Variants in LHFPL3 observed in about 807,000 individuals in gnomAD.
LHFPL3 encodes LHFPL tetraspan subfamily member 3, also known as LHFPL tetraspan subfamily member 3 protein.
In LHFPL3, 5 loss-of-function variants were observed where a neutral mutation model predicts 19.3. That is an observed-to-expected ratio of 0.26 (90% CI 0.14 to 0.54). The LOEUF is 0.54. Ranked by LOEUF, LHFPL3 falls within the 20% of genes least tolerant of loss-of-function variation. LHFPL3 has a pLI of 0.94. For synonymous variants in LHFPL3, 133 were observed against 126.2 expected (o/e 1.05, Z -0.36); for missense variants, 249 against 307.4 (o/e 0.81, Z 1.42).
At chr7:104,810,143 T>TCCTA (rs1236540794) in intron 2 of LHFPL3, among the ~76,000 whole-genome samples, 1 of 152,170 alleles carries the variant, frequency 6.6e-6, no homozygotes, top group Non-Finnish European at 1.5e-5. Flanking sequence ...GCACAGTGCT[T>TCCTA]CCTAACACCT....
chr7:104,430,176 T>C (rs981063743), intron 1 of LHFPL3, among the ~76,000 whole-genome samples: 2 of 151,290 alleles, frequency 1.3e-5, no homozygotes, highest in African/African-American at 4.9e-5. Context: ...TTGTCCTGTC[T>C]ACTTTCAAGT....
At chr7:104,333,289 A>T (rs1801605028) in intron 1 of LHFPL3, among the ~76,000 whole-genome samples, 1 of 152,220 alleles carries the variant, frequency 6.6e-6, no homozygotes, top group Non-Finnish European at 1.5e-5. Context: ...TATAAGCTGA[A>T]GTATTCAGTG....
chr7:104,538,029 G>GA (rs533627467), intron 1 of LHFPL3, among the ~76,000 whole-genome samples: 1 of 151,824 alleles, frequency 6.6e-6, no homozygotes, highest in African/African-American at 2.4e-5. Context: ...AGCCATGCTA[G>GA]AAAAAAAACT....
chr7:104,834,440 C>T (rs1791052588), intron 2 of LHFPL3, among the ~76,000 whole-genome samples: 1 of 152,002 alleles, frequency 6.6e-6, no homozygotes. Context: ...CTTAGCTGCC[C>T]TCATACATCA....
chr7:104,606,190 G>A (rs1269887417), intron 1 of LHFPL3, among the ~76,000 whole-genome samples: 1 of 152,100 alleles, frequency 6.6e-6, no homozygotes, highest in Non-Finnish European at 1.5e-5. Context: ...GCAGAACTTG[G>A]GAGCTGATGA....
intron 1 of LHFPL3, among the ~76,000 whole-genome samples, chr7:104,447,584 G>T (rs978002462): frequency 6.6e-6 from 1 of 151,966 alleles, no homozygotes; most frequent in Non-Finnish European, 1.5e-5. Context: ...GTATTGTATT[G>T]TTTTTTGTTT....
intron 1 of LHFPL3, among the ~76,000 whole-genome samples, chr7:104,503,555 T>G (rs1793641518): frequency 6.6e-6 from 1 of 152,100 alleles, no homozygotes; most frequent in South Asian, 2.1e-4. Flanking sequence ...TTAAGAGTTT[T>G]TTATTTTAAT....
intron 1 of LHFPL3, among the ~76,000 whole-genome samples, chr7:104,430,556 C>T (rs569746351): frequency 8.3e-4 from 117 of 141,226 alleles, no homozygotes; most frequent in Non-Finnish European, 1.1e-3. Context: ...GCAAGCTCCG[C>T]CTGCCAGGTT....
chr7:104,747,246 A>G (rs1363232971), intron 2 of LHFPL3, among the ~76,000 whole-genome samples: 2 of 152,234 alleles, frequency 1.3e-5, no homozygotes, highest in Non-Finnish European at 2.9e-5. Flanking sequence ...CCCCTGATGG[A>G]AATGTGACTT....
intron 1 of LHFPL3, among the ~76,000 whole-genome samples, chr7:104,735,207 A>G (rs1049545361): frequency 6.6e-6 from 1 of 152,220 alleles, no homozygotes; most frequent in African/African-American, 2.4e-5. Flanking sequence ...TCAGATCTCA[A>G]ACTCCGTGCT....
intron 1 of LHFPL3, among the ~76,000 whole-genome samples, chr7:104,452,354 A>G (rs1452835795): frequency 2.6e-5 from 4 of 152,224 alleles, no homozygotes; most frequent in Admixed American, 2.0e-4. Context: ...TACACTTTTC[A>G]TAGTATGCAG....
At chr7:104,431,079 T>G (rs1791994481) in intron 1 of LHFPL3, among the ~76,000 whole-genome samples, 1 of 152,200 alleles carries the variant, frequency 6.6e-6, no homozygotes, top group African/African-American at 2.4e-5. Context: ...TTTCCACAAC[T>G]CCAATACTTC....
At chr7:104,787,112 C>T (rs544986746) in intron 2 of LHFPL3, among the ~76,000 whole-genome samples, 2 of 152,174 alleles carry the variant, frequency 1.3e-5, no homozygotes, top group African/African-American at 4.8e-5. Context: ...AGGGACTGTT[C>T]TCATAGTTGC....
chr7:104,476,645 A>G (rs1430571876), intron 1 of LHFPL3, among the ~76,000 whole-genome samples: 1 of 152,082 alleles, frequency 6.6e-6, no homozygotes, highest in Non-Finnish European at 1.5e-5. Context: ...TTTTCAGTAG[A>G]GACGGTGTTT....
chr7:104,393,972 T>G (rs995696630), intron 1 of LHFPL3, among the ~76,000 whole-genome samples: 4 of 152,142 alleles, frequency 2.6e-5, no homozygotes, highest in Non-Finnish European at 4.4e-5. Flanking sequence ...TGACTATTAA[T>G]GGGATGGATT....
At position 104,489,189 on chromosome 7, in the gene LHFPL3, T is replaced by G. The variant is rs369173641; in HGVS notation, c.445+159965T>G. Among the ~76,000 whole-genome samples, 67 of 56,160 alleles carry G rather than the reference T, an allele frequency of 1.2e-3. 17 individuals carry two copies. In the East Asian group the frequency reaches 0.021, roughly 17 times the overall value. The allele number at this position is 56,160 out of a possible 152,430, so 36.8% of individuals were successfully genotyped here. A position where few individuals can be genotyped will look rare whatever the true frequency, so the allele number is the denominator to read the frequency against. ...GCTCCACCTCCCGGGTTCACGCCAT[T>G]CTCCTGCCTCAGCCTCCCAAGTAGC... is the stretch of plus-strand genomic sequence containing the variant. On this transcript the variant is annotated intron_variant, in intron 1 of 2. Transcript: ENST00000424859.
At chr7:104,797,140 C>T (rs1293529156) in intron 2 of LHFPL3, among the ~76,000 whole-genome samples, 1 of 152,158 alleles carries the variant, frequency 6.6e-6, no homozygotes, top group Non-Finnish European at 1.5e-5. Flanking sequence ...AATTAATGGT[C>T]AGCATGGAGG....
intron 1 of LHFPL3, among the ~76,000 whole-genome samples, chr7:104,535,142 C>T (rs553480341): frequency 6.6e-6 from 1 of 152,296 alleles, no homozygotes; most frequent in East Asian, 1.9e-4. Context: ...ATACATATTT[C>T]TCTGATTGAA....
At chr7:104,784,274 T>A (rs1315838701) in intron 2 of LHFPL3, among the ~76,000 whole-genome samples, 2 of 152,098 alleles carry the variant, frequency 1.3e-5, no homozygotes, top group African/African-American at 4.8e-5. Flanking sequence ...AAACAAAACA[T>A]CAAAACAGCT....
Sources: gnomAD v4.1 joint callset for allele counts (sites outside exome capture counted in the v4.1 genomes callset) on GRCh38, gnomAD v4.1.1 for gene constraint, MANE v1.5 for transcripts, NCBI Gene and HGNC (gene_info 2026-07-23, HGNC 2026-07-21) for gene names.